LRRFIP1: variants seen among roughly 807,000 people sequenced by gnomAD.
LRRFIP1 encodes leucine-rich repeat flightless-interacting protein 1.
In LRRFIP1, 62 loss-of-function variants were observed where a neutral mutation model predicts 104.4. The ratio of observed to expected loss-of-function variants is 0.59; its 90% CI spans 0.48 to 0.73. The LOEUF (loss-of-function observed/expected upper bound fraction) is 0.73. Ranked by LOEUF, LRRFIP1 falls within the 30% of genes least tolerant of loss-of-function variation. The pLI is 0.00. For synonymous variants in LRRFIP1, 300 were observed against 299.0 expected, an observed-to-expected ratio of 1.00 and a Z score of -0.03; for missense variants, 796 against 824.5, an observed-to-expected ratio of 0.97 and a Z score of 0.42.
chr2:237,763,904 C>T (rs2060099469), intron 19 of LRRFIP1: 2 of 1,614,248 alleles, frequency 1.2e-6, no homozygotes, highest in South Asian at 1.1e-5. Flanking sequence ...CCTGCCCGAA[C>T]ATGAAAGTCC....
At chr2:237,699,641 C>G (rs563570101) in intron 1 of LRRFIP1, among the ~76,000 whole-genome samples, 10 of 152,176 alleles carry the variant, frequency 6.6e-5, no homozygotes, top group South Asian at 2.1e-4. Context: ...CGTGAGCCAC[C>G]GCACCCGGCC....
intron 6 of LRRFIP1, among the ~76,000 whole-genome samples, chr2:237,722,346 A>G (rs1274223029): frequency 6.6e-6 from 1 of 152,116 alleles, no homozygotes; most frequent in East Asian, 1.9e-4. Flanking sequence ...GTGCACTTAC[A>G]TTTTCCTGGG....
At position 237,703,207 on chromosome 2, in the gene LRRFIP1, G is replaced by A. The variant is rs766359889; in HGVS notation, c.97-5337G>A. 2.0e-5 allele frequency among the ~76,000 whole-genome samples: 3 copies of A among 152,114 alleles called. No individual in the cohort carries two copies. Among genetic ancestry groups the A allele is most frequent in the Non-Finnish European group, 4.4e-5 (3 of 68,016 alleles). On this transcript the variant is annotated intron_variant, in intron 1 of 23. Coordinates refer to ENST00000308482, the MANE Select transcript of LRRFIP1 (RefSeq NM_001137550.2). This position sits in a 1 kb window ranked among gnomAD's most constrained non-coding sequence, Gnocchi z 4.3. ...GGCCGTCTGGGGTATGCACAGTCTCGTCTCCTGAGTTCTCTGAAGCCCTTT... is the reference window on the plus strand; with the variant it reads ...GGCCGTCTGGGGTATGCACAGTCTCATCTCCTGAGTTCTCTGAAGCCCTTT...
At chr2:237,698,472 G>C (rs1005973358) in intron 1 of LRRFIP1, among the ~76,000 whole-genome samples, 2 of 152,252 alleles carry the variant, frequency 1.3e-5, no homozygotes, top group Admixed American at 6.5e-5. Flanking sequence ...GAGAGAAGCA[G>C]TCGGCACCCA....
intron 23 of LRRFIP1, among the ~76,000 whole-genome samples, chr2:237,776,995 A>G (rs2061149314): frequency 1.3e-5 from 2 of 152,082 alleles, no homozygotes; most frequent in South Asian, 2.1e-4. Context: ...TTCAATTTCT[A>G]TTCTTTTCAG....
At chr2:237,743,257 C>G (rs71424987) in intron 11 of LRRFIP1, among the ~76,000 whole-genome samples, 1 of 151,318 alleles carries the variant, frequency 6.6e-6, no homozygotes, top group Non-Finnish European at 1.5e-5. Flanking sequence ...TTGGGAGATA[C>G]AGGTGCACAG....
intron 10 of LRRFIP1, among the ~76,000 whole-genome samples, chr2:237,738,981 G>T (rs902047811): frequency 3.3e-5 from 5 of 152,214 alleles, no homozygotes; most frequent in African/African-American, 1.2e-4. Context: ...GGTGCTTTGT[G>T]TTATTTTCTT....
At chr2:237,689,942 A>G (rs1038044401) in intron 1 of LRRFIP1, among the ~76,000 whole-genome samples, 1 of 152,066 alleles carries the variant, frequency 6.6e-6, no homozygotes, top group Non-Finnish European at 1.5e-5. Flanking sequence ...TGTCATTATC[A>G]CCGGCATGTT....
At position 237,703,223 on chromosome 2, in the gene LRRFIP1, G is replaced by A. The variant is rs1005227529; in HGVS notation, c.97-5321G>A. ...CACAGTCTCGTCTCCTGAGTTCTCT[G>A]AAGCCCTTTGCAGTTTTTGCTTTGT... On this transcript the variant is annotated intron_variant, in intron 1 of 23. Transcript: ENST00000308482. This position sits in a 1 kb window ranked among gnomAD's most constrained non-coding sequence, Gnocchi z 4.3. Among the ~76,000 whole-genome samples, 2 of 152,262 alleles carry A rather than the reference G, an allele frequency of 1.3e-5. No homozygotes were observed. The highest frequency in any genetic ancestry group is 3.9e-4 in the East Asian group (2 of 5,182).
intron 1 of LRRFIP1, among the ~76,000 whole-genome samples, chr2:237,663,427 T>TC (rs1559494866): frequency 3.4e-4 from 17 of 50,002 alleles, no homozygotes; most frequent in African/African-American, 8.0e-4. Context: ...GGGGAGTTCT[T>TC]TCCCCCCCCA....
intron 1 of LRRFIP1, among the ~76,000 whole-genome samples, chr2:237,637,391 C>A (rs1464863350): frequency 6.6e-6 from 1 of 152,098 alleles, no homozygotes; most frequent in East Asian, 1.9e-4. Context: ...TTGCTTGAAC[C>A]CAGGAGGCAG....
At chr2:237,757,358 G>A (rs1428952671) in intron 16 of LRRFIP1, 98 bp from the exon 17 acceptor site, 2 of 716,532 alleles carry the variant, frequency 2.8e-6, no homozygotes, top group Admixed American at 2.8e-5. Flanking sequence ...GAGTGCTTGC[G>A]GCCTCACTCA....
At chr2:237,685,389 AAAC>A (rs1400312243) in intron 1 of LRRFIP1, among the ~76,000 whole-genome samples, 1 of 152,216 alleles carries the variant, frequency 6.6e-6, no homozygotes, top group Non-Finnish European at 1.5e-5. Context: ...GTGTATCACA[AAAC>A]AACATTTAAT....
chr2:237,774,124 G>A (rs1372794543), intron 22 of LRRFIP1: 2 of 490,374 alleles, frequency 4.1e-6, no homozygotes, highest in Non-Finnish European at 7.3e-6. Context: ...CCACCCTGGT[G>A]GACGGGGTCA....
intron 8 of LRRFIP1, 53 bp downstream of exon 8, chr2:237,727,988 T>G: frequency 1.7e-5 from 22 of 1,312,750 alleles, no homozygotes; most frequent in Non-Finnish European, 2.3e-5. Flanking sequence ...GTTTCAAAGC[T>G]TCTAGAACTA....
At chr2:237,763,459 A>G (rs2060064761) in intron 19 of LRRFIP1, 3 of 1,613,144 alleles carry the variant, frequency 1.9e-6, no homozygotes, top group Non-Finnish European at 2.5e-6. Context: ...AAAAATCCCC[A>G]GTACCCGTAG....
At chr2:237,665,934 T>C (rs1362612161) in intron 1 of LRRFIP1, among the ~76,000 whole-genome samples, 1 of 152,250 alleles carries the variant, frequency 6.6e-6, no homozygotes, top group African/African-American at 2.4e-5. Flanking sequence ...CTGGCTTCAG[T>C]GATCCCTTAA....
At chr2:237,685,475 G>A (rs991477213) in intron 1 of LRRFIP1, among the ~76,000 whole-genome samples, 1 of 152,160 alleles carries the variant, frequency 6.6e-6, no homozygotes, top group African/African-American at 2.4e-5. Flanking sequence ...ATACAGCTCT[G>A]AGGCAGGTCC....
chr2:237,756,609 T>C (rs1235548552), intron 16 of LRRFIP1, among the ~76,000 whole-genome samples: 2 of 152,250 alleles, frequency 1.3e-5, no homozygotes, highest in Non-Finnish European at 2.9e-5. Flanking sequence ...ATTCATTCCA[T>C]GGCAATTACT....
Sources: allele counts gnomAD v4.1 joint callset (sites outside exome capture counted in the v4.1 genomes callset), GRCh38; gene constraint gnomAD v4.1.1; non-coding constraint Gnocchi (gnomAD v3.1); transcripts MANE v1.5; gene names NCBI Gene and HGNC (gene_info 2026-07-23, HGNC 2026-07-21).